A2ML1: variants seen among roughly 807,000 people sequenced by gnomAD.
A2ML1 encodes alpha-2-macroglobulin-like protein 1.
A neutral mutation model predicts 181.9 loss-of-function variants in A2ML1; 161 were observed. That is an observed-to-expected ratio of 0.89 (90% confidence interval 0.78 to 1.01). A2ML1 has a LOEUF of 1.01. Among genes scored for constraint, A2ML1 ranks in the 50% least tolerant of loss-of-function variants. The probability of loss-of-function intolerance (pLI) is 0.00; values close to 1 mark genes in which losing one functional copy is unlikely to be tolerated. For synonymous variants in A2ML1, 663 were observed against 666.8 expected (o/e 0.99, Z 0.09); for missense variants, 1,670 against 1,768.1 (o/e 0.94, Z 1.00).
At position 8,848,767 on chromosome 12, in the gene A2ML1, G is replaced by T. The variant is rs371987177; in HGVS notation, c.1881G>T (p.Val627=). ...GGTATGGTCACTACCCCTATCAAGTGGCTGAGTATGATCAGTGTCCAGTGT... is the reference window on the plus strand; with the variant it reads ...GGTATGGTCACTACCCCTATCAAGTTGCTGAGTATGATCAGTGTCCAGTGT... ...PFWYGHYPYQ[V]AEYDQCPVSG... The change falls in exon 16 of 36, where the codon GTG becomes GTT. Residue 627 remains valine (V), a synonymous_variant. Transcript: ENST00000299698. 2 of 1,613,770 alleles carry T rather than the reference G, an allele frequency of 1.2e-6. No homozygotes were observed. Among genetic ancestry groups the T allele is most frequent in the Non-Finnish European group, 1.7e-6 (2 of 1,179,942 alleles).
At chr12:8,859,686 T>C (rs1944190049) in intron 26 of A2ML1, among the ~76,000 whole-genome samples, 1 of 152,030 alleles carries the variant, frequency 6.6e-6, no homozygotes, top group South Asian at 2.1e-4. Context: ...GATCTCAGCC[T>C]CCTGAGCAGC....
chr12:8,828,855 A>G (rs909296390), intron 3 of A2ML1, among the ~76,000 whole-genome samples: 2 of 152,196 alleles, frequency 1.3e-5, no homozygotes, highest in African/African-American at 2.4e-5. Context: ...CCCCTGGCTA[A>G]CGCTGGTCTA....
Position 8,865,129 on chromosome 12 carries a change from G to A in A2ML1, c.3717+1121G>A, listed in dbSNP as rs1425603820. On this transcript the variant is annotated intron_variant, in intron 29 of 35. Coordinates refer to ENST00000299698, the MANE Select transcript of A2ML1 (RefSeq NM_144670.6). Reference sequence around the variant, plus strand: ...TGAGGCAGAAGAATTGCTTGAACCCGGAAGGCAGAGGTTGCAGTGAGCTGA... The same window carrying A: ...TGAGGCAGAAGAATTGCTTGAACCCAGAAGGCAGAGGTTGCAGTGAGCTGA... Among the ~76,000 whole-genome samples, 2 of 15,238 alleles carry A rather than the reference G, an allele frequency of 1.3e-4. 1 individual carries two copies. Among genetic ancestry groups the A allele is most frequent in the African/African-American group, 1.4e-4 (2 of 14,308 alleles). 10.0% of individuals were successfully genotyped at this position (15,238 alleles called of 152,430 possible).
chr12:8,855,629 G>A (rs761054476), intron 23 of A2ML1, 37 bp downstream of exon 23: 19 of 1,603,008 alleles, frequency 1.2e-5, no homozygotes, highest in Non-Finnish European at 1.6e-5. Context: ...GAAAGGAAAA[G>A]GCGAATGGAG....
chr12:8,830,320 G>A (rs1438778496), intron 4 of A2ML1, among the ~76,000 whole-genome samples: 1 of 152,094 alleles, frequency 6.6e-6, no homozygotes, highest in East Asian at 1.9e-4. Flanking sequence ...CCAAAGTGCT[G>A]GGATTACAGA....
intron 29 of A2ML1, among the ~76,000 whole-genome samples, chr12:8,866,838 G>T (rs1200257078): frequency 1.3e-5 from 2 of 151,272 alleles, no homozygotes; most frequent in Non-Finnish European, 2.9e-5. Flanking sequence ...AAGAAATCGG[G>T]TTTTTTTTTG....
At chr12:8,875,602 A>AT (rs35440252) in intron 35 of A2ML1, 60,741 of 150,618 alleles carry the variant, frequency 0.4, 12,628 homozygotes, top group Middle Eastern at 0.47. Context: ...CGCCCAGCTA[A>AT]TTTTTTTTGT....
chr12:8,874,541 G>A lies in A2ML1; in HGVS notation c.4324+14G>A, dbSNP rs376541284. On this transcript the variant is annotated intron_variant, in intron 34 of 35. Transcript: ENST00000299698. Reference sequence around the variant, plus strand: ...ACTACCTACCAGGTGAGAGGGCTGAGCTGAAATGAGATCTGAGATCTTACC... The same window carrying A: ...ACTACCTACCAGGTGAGAGGGCTGAACTGAAATGAGATCTGAGATCTTACC... The A allele has an allele frequency of 6.3e-7, 1 of 1,588,460 alleles. No homozygotes were observed. Among genetic ancestry groups the A allele is most frequent in the Non-Finnish European group, 8.6e-7 (1 of 1,157,184 alleles).
At chr12:8,832,043 C>T (rs1161705586) in intron 4 of A2ML1, among the ~76,000 whole-genome samples, 1 of 152,132 alleles carries the variant, frequency 6.6e-6, no homozygotes, top group Non-Finnish European at 1.5e-5. Context: ...AGCCACCGCG[C>T]CTGGCCAGGA....
chr12:8,823,183 A>T lies in A2ML1; in HGVS notation c.64A>T (p.Asn22Tyr). The T allele has an allele frequency of 6.2e-7, 1 of 1,612,866 alleles. No homozygotes were observed. The highest frequency in any genetic ancestry group is 8.5e-7 in the Non-Finnish European group (1 of 1,179,666). ...LSPAIAEELP[N>Y]YLVTLPARLN... is the part of the protein sequence containing the mutation. ...GAAATCCTTCTGCTCCTTTAATAGA[A>T]ACTACCTGGTGACATTACCAGCCCG... The change falls in exon 2 of 36, where the codon AAC becomes TAC. Residue 22 changes from asparagine to tyrosine, a missense_variant and splice_region_variant. Coordinates refer to ENST00000299698, the MANE Select transcript of A2ML1 (RefSeq NM_144670.6).
chr12:8,835,455 C>T, intron 5 of A2ML1, 52 bp from the exon 6 acceptor site: 1 of 1,605,662 alleles, frequency 6.2e-7, no homozygotes, highest in African/African-American at 1.3e-5. Flanking sequence ...TTTTGCAATG[C>T]AGAGTGGGAA....
At chr12:8,849,141 G>C (rs775742941) in intron 16 of A2ML1, among the ~76,000 whole-genome samples, 3 of 152,156 alleles carry the variant, frequency 2.0e-5, no homozygotes, top group African/African-American at 4.8e-5. Context: ...ATTTCCATGA[G>C]ATCAATCAGG....
chr12:8,872,314 T>A (rs1592161509), intron 33 of A2ML1, among the ~76,000 whole-genome samples: 2 of 152,256 alleles, frequency 1.3e-5, no homozygotes, highest in Middle Eastern at 3.4e-3. Flanking sequence ...TCAGTGTCCC[T>A]TTATACTCTT....
At chr12:8,831,205 G>T (rs73251221) in intron 4 of A2ML1, among the ~76,000 whole-genome samples, 10,464 of 152,160 alleles carry the variant, frequency 0.069, 1,181 homozygotes, top group African/African-American at 0.24. Flanking sequence ...TCTCGCTTTG[G>T]TCTCCCAAAG....
chr12:8,835,439 C>A, intron 5 of A2ML1, 68 bp from the exon 6 acceptor site: 4 of 1,593,290 alleles, frequency 2.5e-6, no homozygotes, highest in South Asian at 2.3e-5. Context: ...TGCTTCTTTA[C>A]CTGCTTTTTG....
chr12:8,880,047 A>G (rs1592168725), downstream of A2ML1, among the ~76,000 whole-genome samples: 3 of 152,318 alleles, frequency 2.0e-5, no homozygotes, highest in South Asian at 6.2e-4. Context: ...GTGTGACCAA[A>G]AAAATGATAG....
chr12:8,870,877 C>T (rs1282787292), intron 33 of A2ML1, among the ~76,000 whole-genome samples: 1 of 152,142 alleles, frequency 6.6e-6, no homozygotes, highest in African/African-American at 2.4e-5. Context: ...CAGTTGGCTT[C>T]TAATTTGAGT....
chr12:8,843,372 G>A lies in A2ML1; in HGVS notation c.1476+11G>A. The A allele has an allele frequency of 1.9e-6, 3 of 1,610,408 alleles. No individual in the cohort carries two copies. Among genetic ancestry groups the A allele is most frequent in the Non-Finnish European group, 1.7e-6 (2 of 1,176,832 alleles). ...AGCTTCTCCTACTATGTGAGACCGG[G>A]AAACGGGGACGGGTGAGAGTATGCT... On this transcript the variant is annotated intron_variant, in intron 12 of 35. Transcript: ENST00000299698.
chr12:8,841,717 A>G (rs1361506592), intron 11 of A2ML1, among the ~76,000 whole-genome samples, 181 bp downstream of exon 11: 1 of 152,168 alleles, frequency 6.6e-6, no homozygotes, highest in African/African-American at 2.4e-5. Flanking sequence ...TATCAATCAA[A>G]TAAATAGTCC....
Sources: allele counts gnomAD v4.1 joint callset (sites outside exome capture counted in the v4.1 genomes callset), GRCh38; gene constraint gnomAD v4.1.1; transcripts MANE v1.5; gene names NCBI Gene and HGNC (gene_info 2026-07-23, HGNC 2026-07-21).